STOX1: variants seen among roughly 807,000 people sequenced by gnomAD.
The protein encoded by STOX1 is storkhead box 1, also known as storkhead-box protein 1.
STOX1 carries 57 observed loss-of-function variants against 74.8 expected under a neutral mutation model. The observed-to-expected ratio is 0.76, with a 90% CI of 0.62 to 0.95. STOX1 has a LOEUF of 0.95. Among genes scored for constraint, STOX1 ranks in the 40% least tolerant of loss-of-function variants. The probability of loss-of-function intolerance (pLI) is 0.00; values close to 1 mark genes in which losing one functional copy is unlikely to be tolerated. For synonymous variants in STOX1, 375 were observed against 401.3 expected, an observed-to-expected ratio of 0.93 and a Z score of 0.78; for missense variants, 1,010 against 1,117.0, an observed-to-expected ratio of 0.90 and a Z score of 1.37.
At chr10:68,876,784 C>T (rs1298477652) in intron 1 of STOX1, among the ~76,000 whole-genome samples, 2 of 152,310 alleles carry the variant, frequency 1.3e-5, no homozygotes, top group East Asian at 3.9e-4. Flanking sequence ...GAGTGCTCTT[C>T]AGTTTACTCC....
intron 3 of STOX1, among the ~76,000 whole-genome samples, chr10:68,887,283 A>C (rs1840986763): frequency 6.6e-6 from 1 of 152,072 alleles, no homozygotes; most frequent in South Asian, 2.1e-4. Flanking sequence ...GCTACTATCC[A>C]CTAATATTTT....
intron 1 of STOX1, among the ~76,000 whole-genome samples, chr10:68,842,559 G>A (rs1391870530): frequency 4.3e-5 from 2 of 46,806 alleles, no homozygotes; most frequent in Non-Finnish European, 8.5e-5. Flanking sequence ...TTTTTTTTTT[G>A]AGATGGAGTC....
intron 1 of STOX1, among the ~76,000 whole-genome samples, chr10:68,870,423 A>G (rs1346525643): frequency 6.6e-6 from 1 of 152,214 alleles, no homozygotes; most frequent in African/African-American, 2.4e-5. Flanking sequence ...TGCTATTTAT[A>G]TAGCTATTCC....
rs571820110 is a variant in STOX1, at chr10:68,827,537, G to C, written c.-87G>C. 4.4e-6 allele frequency: 4 copies of C among 913,374 alleles called. No homozygotes were observed. Among genetic ancestry groups the C allele is most frequent in the East Asian group, 6.9e-5 (1 of 14,520 alleles). 56.6% of individuals were successfully genotyped at this position (913,374 alleles called of 1,614,324 possible). A position where few individuals can be genotyped will look rare whatever the true frequency, so the allele number is the denominator to read the frequency against. On this transcript the variant is annotated 5_prime_UTR_variant, in exon 1 of 4. Coordinates refer to ENST00000298596, the MANE Select transcript of STOX1 (RefSeq NM_152709.5). Reference sequence around the variant, plus strand: ...CAGCGCCGCGGACCCGCGCGCAGTCGGCCGATCCTCCCGCCGAGCGAGCGG... The same window carrying C: ...CAGCGCCGCGGACCCGCGCGCAGTCCGCCGATCCTCCCGCCGAGCGAGCGG...
At chr10:68,852,965 C>T (rs1456264506) in intron 1 of STOX1, among the ~76,000 whole-genome samples, 1 of 151,732 alleles carries the variant, frequency 6.6e-6, no homozygotes, top group Non-Finnish European at 1.5e-5. Flanking sequence ...TCTTGTCACC[C>T]AGGCTGGAGT....
chr10:68,874,827 C>T (rs974653088), intron 1 of STOX1, among the ~76,000 whole-genome samples: 1 of 152,164 alleles, frequency 6.6e-6, no homozygotes, highest in Non-Finnish European at 1.5e-5. Context: ...CTGTGCCAGG[C>T]GAGCAGACCC....
chr10:68,860,593 G>C (rs1395811467), intron 1 of STOX1, among the ~76,000 whole-genome samples: 3 of 132,494 alleles, frequency 2.3e-5, no homozygotes, highest in South Asian at 2.6e-4. Context: ...AAAAAAAAAA[G>C]GTCTAATTGG....
chr10:68,873,626 T>C (rs535035770), intron 1 of STOX1, among the ~76,000 whole-genome samples: 43 of 149,280 alleles, frequency 2.9e-4, no homozygotes, highest in African/African-American at 6.4e-4. Flanking sequence ...GTCCTTTTTT[T>C]TTCTTCTTCT....
Position 68,833,427 on chromosome 10 carries a change from C to T in STOX1, c.310+5494C>T, listed in dbSNP as rs79098876. ...TAAAGAAGGAAGAGGTTTATTTGGC[C>T]GGGAGCATCAGCAGGACTCCTGTCT... is the stretch of plus-strand genomic sequence containing the variant. On this transcript the variant is annotated intron_variant, in intron 1 of 3. Transcript: ENST00000298596. Among the ~76,000 whole-genome samples, 484 of 152,136 alleles carry T rather than the reference C, an allele frequency of 3.2e-3. 2 individuals carry two copies. Among genetic ancestry groups the T allele is most frequent in the African/African-American group, 0.011 (459 of 41,536 alleles).
downstream of STOX1, among the ~76,000 whole-genome samples, chr10:68,894,232 T>G (rs936796237): frequency 6.6e-5 from 10 of 152,014 alleles, no homozygotes; most frequent in Admixed American, 5.2e-4. Context: ...GCTAATTTTT[T>G]GTATTTTTAG....
At chr10:68,858,244 A>G (rs1490126920) in intron 1 of STOX1, among the ~76,000 whole-genome samples, 1 of 152,144 alleles carries the variant, frequency 6.6e-6, no homozygotes, top group Non-Finnish European at 1.5e-5. Context: ...TCCTAGAAGC[A>G]GAAGTCGGGT....
Position 68,884,618 on chromosome 10 carries a change from A to G in STOX1, c.822A>G (p.Glu274=). 5.0e-6 allele frequency: 8 copies of G among 1,613,964 alleles called. No homozygotes were observed. Among genetic ancestry groups the G allele is most frequent in the Non-Finnish European group, 6.8e-6 (8 of 1,180,034 alleles). Residue 274 remains glutamate (E), a synonymous_variant, in exon 3 of 4, where the codon GAA becomes GAG. Coordinates refer to ENST00000298596, the MANE Select transcript of STOX1 (RefSeq NM_152709.5). ...VTRKSHRGLG[E]SVSWVQNGAV... ...GGAAGAGTCACAGAGGTCTTGGGGA[A>G]TCCGTATCTTGGGTACAGAATGGGG... is the stretch of plus-strand genomic sequence containing the variant.
chr10:68,884,347 A>ACTTC lies in STOX1; in HGVS notation c.552_555dup (p.Ile186LeufsTer19). ...AAGATTTATCACACTGGAGAAGGAT[A>ACTTC]CTTCATAGTTACTCCTCAGACTTAC... On this transcript the variant is annotated frameshift_variant, in exon 3 of 4. Transcript: ENST00000298596. LOFTEE classifies it high-confidence loss of function. 1 of 1,614,130 alleles carries ACTTC rather than the reference A, an allele frequency of 6.2e-7. No individual in the cohort carries two copies. Among genetic ancestry groups the ACTTC allele is most frequent in the Non-Finnish European group, 8.5e-7 (1 of 1,179,996 alleles).
chr10:68,874,162 G>A (rs1246662396), intron 1 of STOX1, among the ~76,000 whole-genome samples: 1 of 151,722 alleles, frequency 6.6e-6, no homozygotes, highest in Non-Finnish European at 1.5e-5. Context: ...AGAATCCAGA[G>A]GTGTTTGGTT....
intron 1 of STOX1, among the ~76,000 whole-genome samples, chr10:68,866,628 T>C (rs1840410904): frequency 6.6e-6 from 1 of 152,224 alleles, no homozygotes; most frequent in South Asian, 2.1e-4. Flanking sequence ...TGTATGAACC[T>C]GCACCCCTTT....
intron 3 of STOX1, among the ~76,000 whole-genome samples, chr10:68,890,842 G>T (rs544231514): frequency 2.0e-5 from 3 of 150,882 alleles, no homozygotes; most frequent in African/African-American, 7.3e-5. Flanking sequence ...GTAGAGGTGA[G>T]GTTTTCACCA....
At chr10:68,847,047 C>G in intron 1 of STOX1, 1 of 152,132 alleles carries the variant, frequency 6.6e-6, no homozygotes, top group East Asian at 1.9e-4. Flanking sequence ...TACAAATGTA[C>G]CTTTTGACCT....
chr10:68,881,833 A>G, intron 1 of STOX1, 125 bp from the exon 2 acceptor site: 2 of 1,089,196 alleles, frequency 1.8e-6, no homozygotes, highest in Non-Finnish European at 2.8e-6. Flanking sequence ...GATTCTGAGT[A>G]AAGACTGATG....
In STOX1 at chr10:68,845,166, G is replaced by A. The variant is rs185506128; in HGVS notation, c.310+17233G>A. Among the ~76,000 whole-genome samples, 533 of 151,884 alleles carry A rather than the reference G, an allele frequency of 3.5e-3. 2 individuals are homozygous for A. The highest frequency in any genetic ancestry group is 6.0e-3 in the Non-Finnish European group (407 of 67,974). On this transcript the variant is annotated intron_variant, in intron 1 of 3. Coordinates refer to ENST00000298596, the MANE Select transcript of STOX1 (RefSeq NM_152709.5). ...CACCCGAGCTGAAGTGCAGTGGTGC[G>A]ATCACAGCTCACTGCAGCCTCAACC...
Sources: allele counts gnomAD v4.1 joint callset (sites outside exome capture counted in the v4.1 genomes callset), GRCh38; gene constraint gnomAD v4.1.1; transcripts MANE v1.5; gene names NCBI Gene and HGNC (gene_info 2026-07-23, HGNC 2026-07-21).